The following ADAMTS2 variants were observed in gnomAD, a reference collection of about 807,000 sequenced individuals.
The protein encoded by ADAMTS2 is A disintegrin and metalloproteinase with thrombospondin motifs 2.
In ADAMTS2, 50 loss-of-function variants were observed where a neutral mutation model predicts 123.0. The observed-to-expected ratio is 0.41, with a 90% CI of 0.32 to 0.51. The LOEUF (loss-of-function observed/expected upper bound fraction) is 0.51, where lower values mean the gene tolerates loss of function less well. Ranked by LOEUF, ADAMTS2 falls within the 20% of genes least tolerant of loss-of-function variation. The pLI is 0.35. For synonymous variants in ADAMTS2, 678 were observed against 695.4 expected, an observed-to-expected ratio of 0.98 and a Z score of 0.39; for missense variants, 1,494 against 1,705.2, an observed-to-expected ratio of 0.88 and a Z score of 2.18.
At chr5:179,136,339 T>A (rs1447782289) in intron 12 of ADAMTS2, among the ~76,000 whole-genome samples, 1 of 152,176 alleles carries the variant, frequency 6.6e-6, no homozygotes, top group Non-Finnish European at 1.5e-5. Flanking sequence ...CCTCCGAGGC[T>A]GCAAATGTCT....
intron 12 of ADAMTS2, 150 bp from the exon 13 acceptor site, chr5:179,136,192 G>C (rs1763064883): frequency 1.8e-6 from 2 of 1,107,736 alleles, no homozygotes; most frequent in Non-Finnish European, 2.7e-6. Context: ...GTGGGTGACA[G>C]CAGCCCCCTT....
intron 21 of ADAMTS2, 170 bp downstream of exon 21, chr5:179,121,491 C>G: frequency 1.9e-6 from 1 of 516,610 alleles, no homozygotes; most frequent in Non-Finnish European, 3.4e-6. Context: ...CAGCGCGGCC[C>G]GGAGCGGACG....
intron 2 of ADAMTS2, among the ~76,000 whole-genome samples, chr5:179,311,761 C>T (rs1288607835): frequency 2.0e-5 from 3 of 152,098 alleles, no homozygotes; most frequent in South Asian, 2.1e-4. Flanking sequence ...CTGGCCCCTA[C>T]CCTGCTCCTT....
chr5:179,227,076 T>C (rs972677238), intron 3 of ADAMTS2, among the ~76,000 whole-genome samples: 2 of 152,150 alleles, frequency 1.3e-5, no homozygotes, highest in Non-Finnish European at 2.9e-5. Context: ...ACAAAATCCC[T>C]TGAGCCAGAG....
chr5:179,118,281 G>A lies in ADAMTS2; in HGVS notation c.3178+3380C>T, dbSNP rs1247578434. Among the ~76,000 whole-genome samples, 2 of 152,138 alleles carry A rather than the reference G, an allele frequency of 1.3e-5. No individual in the cohort carries two copies. The highest frequency in any genetic ancestry group is 4.8e-5 in the African/African-American group (2 of 41,418). The stretch of plus-strand genomic sequence containing the variant: ...ACCAACTGATCTTAAAGATGCCCCA[G>A]GTTTGTACATTTTTAAGTATCATCA... On this transcript the variant is annotated intron_variant, in intron 21 of 21. Coordinates refer to ENST00000251582, the MANE Select transcript of ADAMTS2 (RefSeq NM_014244.5). This position sits in a 1 kb window ranked among gnomAD's most constrained non-coding sequence, Gnocchi z 4.5.
At chr5:179,293,162 C>T (rs1450637542) in intron 2 of ADAMTS2, among the ~76,000 whole-genome samples, 1 of 152,222 alleles carries the variant, frequency 6.6e-6, no homozygotes, top group African/African-American at 2.4e-5. Context: ...TCTGACCCCA[C>T]TTTCCTCTGC....
Position 179,260,269 on chromosome 5 carries a change from C to T in ADAMTS2, c.688+12642G>A, listed in dbSNP as rs755253594. ...GTTGCTCCCGGAGTGAGCTCCTGGGCGACCGGGCTTCCTAGGCACTATGCT... is the reference window on the plus strand; with the variant it reads ...GTTGCTCCCGGAGTGAGCTCCTGGGTGACCGGGCTTCCTAGGCACTATGCT... On this transcript the variant is annotated intron_variant, in intron 3 of 21. Transcript: ENST00000251582. This position sits in a 1 kb window ranked among gnomAD's most constrained non-coding sequence, Gnocchi z 4.2. Among the ~76,000 whole-genome samples the T allele has an allele frequency of 3.9e-5, 6 of 152,184 alleles. No homozygotes were observed. The highest frequency in any genetic ancestry group is 5.9e-5 in the Non-Finnish European group (4 of 68,030).
At chr5:179,293,781 A>ATT (rs1159004774) in intron 2 of ADAMTS2, among the ~76,000 whole-genome samples, 2 of 143,190 alleles carry the variant, frequency 1.4e-5, no homozygotes, top group African/African-American at 2.6e-5. Context: ...ACCCAGCTAA[A>ATT]TTTTTTTTTT....
chr5:179,256,542 G>GGAGA lies in ADAMTS2; in HGVS notation c.688+16365_688+16368dup, dbSNP rs35387372. Among the ~76,000 whole-genome samples, 3 of 150,932 alleles carry GGAGA rather than the reference G, an allele frequency of 2.0e-5. No individual in the cohort carries two copies. The highest frequency in any genetic ancestry group is 4.4e-5 in the Non-Finnish European group (3 of 67,570). ...CCTGCGTGTGTGTGAGAGAGAGAGA[G>GGAGA]GAGAGAGAGACGGAGAGAGTTTATG... On this transcript the variant is annotated intron_variant, in intron 3 of 21. Coordinates refer to ENST00000251582, the MANE Select transcript of ADAMTS2 (RefSeq NM_014244.5). The surrounding 1 kb of genome is among the most constrained non-coding windows in gnomAD (Gnocchi z 4.1).
Position 179,207,570 on chromosome 5 carries a change from C to T in ADAMTS2, c.834G>A (p.Val278=), listed in dbSNP as rs766683519. The change falls in exon 4 of 22, where the codon GTG becomes GTA. Residue 278 remains valine (V), a synonymous_variant. Coordinates refer to ENST00000251582, the MANE Select transcript of ADAMTS2 (RefSeq NM_014244.5). ...IEVLLGVDDS[V]VQFHGKEHVQ... Reference sequence around the variant, plus strand: ...CGTGCTCCTTCCCGTGGAACTGCACCACAGAGTCATCCACGCCCAGCAGGA... The same window carrying T: ...CGTGCTCCTTCCCGTGGAACTGCACTACAGAGTCATCCACGCCCAGCAGGA... 6.2e-7 allele frequency: 1 copy of T among 1,613,726 alleles called. No individual in the cohort carries two copies. Among genetic ancestry groups the T allele is most frequent in the South Asian group, 1.1e-5 (1 of 91,074 alleles).
intron 3 of ADAMTS2, among the ~76,000 whole-genome samples, chr5:179,248,981 G>A (rs1481366792): frequency 6.7e-6 from 1 of 150,366 alleles, no homozygotes; most frequent in Non-Finnish European, 1.5e-5. Flanking sequence ...TAGGTCATAT[G>A]TTAGGTCACA....
intron 2 of ADAMTS2, among the ~76,000 whole-genome samples, chr5:179,280,734 G>T (rs907986233): frequency 6.6e-6 from 1 of 152,136 alleles, no homozygotes; most frequent in Non-Finnish European, 1.5e-5. Flanking sequence ...TTGTTATAGA[G>T]GTCAGTAAGT....
At position 179,189,436 on chromosome 5, in the gene ADAMTS2, C is replaced by T. The variant is rs537775246; in HGVS notation, c.892-8281G>A. 6.6e-5 allele frequency among the ~76,000 whole-genome samples: 10 copies of T among 150,916 alleles called. No homozygotes were observed. In the East Asian group the frequency reaches 1.7e-3, roughly 26 times the overall value. On this transcript the variant is annotated intron_variant, in intron 4 of 21. Coordinates refer to ENST00000251582, the MANE Select transcript of ADAMTS2 (RefSeq NM_014244.5). This position sits in a 1 kb window ranked among gnomAD's most constrained non-coding sequence, Gnocchi z 4.2. The stretch of plus-strand genomic sequence containing the variant: ...GATCTCAGCTCACTGCCAGCTCCAC[C>T]TCCCAGGTTCATGCCATTCTCTTGC...
chr5:179,156,170 G>T (rs1204066223), intron 6 of ADAMTS2, among the ~76,000 whole-genome samples: 1 of 151,966 alleles, frequency 6.6e-6, no homozygotes, highest in East Asian at 1.9e-4. Flanking sequence ...ATCTGAAAGC[G>T]CATCTTTATG....
At chr5:179,201,867 A>T (rs1440959952) in intron 4 of ADAMTS2, among the ~76,000 whole-genome samples, 1 of 152,012 alleles carries the variant, frequency 6.6e-6, no homozygotes, top group African/African-American at 2.4e-5. Context: ...AAACCAAAAA[A>T]CATGCTTTTC....
chr5:179,267,284 A>T (rs1277428189), intron 3 of ADAMTS2, among the ~76,000 whole-genome samples: 2 of 152,230 alleles, frequency 1.3e-5, no homozygotes, highest in African/African-American at 4.8e-5. Context: ...GCTCAGCCAC[A>T]TGGAGGAGCT....
At chr5:179,247,038 T>C (rs1195168946) in intron 3 of ADAMTS2, among the ~76,000 whole-genome samples, 2 of 152,170 alleles carry the variant, frequency 1.3e-5, no homozygotes, top group Non-Finnish European at 2.9e-5. Flanking sequence ...AAAAAAGACC[T>C]TCCCTGAGGA....
intron 4 of ADAMTS2, among the ~76,000 whole-genome samples, chr5:179,199,523 G>A (rs987617190): frequency 5.3e-5 from 8 of 152,200 alleles, no homozygotes; most frequent in Non-Finnish European, 8.8e-5. Flanking sequence ...GGAAGGGGGC[G>A]TGCCTGGCTC....
intron 2 of ADAMTS2, among the ~76,000 whole-genome samples, chr5:179,322,409 G>A (rs1400786612): frequency 6.6e-6 from 1 of 152,178 alleles, no homozygotes; most frequent in Non-Finnish European, 1.5e-5. Context: ...ACACAGGAGG[G>A]AGTGCAGGGT....
Sources: allele counts gnomAD v4.1 joint callset (sites outside exome capture counted in the v4.1 genomes callset), GRCh38; gene constraint gnomAD v4.1.1; non-coding constraint Gnocchi (gnomAD v3.1); transcripts MANE v1.5; gene names NCBI Gene and HGNC (gene_info 2026-07-23, HGNC 2026-07-21).